ASIC2: variants seen among roughly 807,000 people sequenced by gnomAD.
ASIC2 encodes the protein acid sensing ion channel subunit 2, also known as acid-sensing ion channel 2.
In ASIC2, 25 loss-of-function variants were observed where a neutral mutation model predicts 57.3. The observed-to-expected ratio is 0.44, with a 90% confidence interval of 0.32 to 0.61. ASIC2 has a LOEUF of 0.61. Among genes scored for constraint, ASIC2 ranks in the 20% least tolerant of loss-of-function variants. The probability of loss-of-function intolerance (pLI) is 0.06; values close to 1 mark genes in which losing one functional copy is unlikely to be tolerated. For synonymous variants in ASIC2, 319 were observed against 307.5 expected, an observed-to-expected ratio of 1.04 and a Z score of -0.39; for missense variants, 641 against 738.1, an observed-to-expected ratio of 0.87 and a Z score of 1.52.
intron 2 of ASIC2, among the ~76,000 whole-genome samples, chr17:33,103,962 A>T (rs1288000694): frequency 6.6e-6 from 1 of 151,590 alleles, no homozygotes; most frequent in Non-Finnish European, 1.5e-5. Flanking sequence ...CACCTCTCAA[A>T]CCTGTCTTCA....
At chr17:33,924,556 C>T (rs892964422) in intron 1 of ASIC2, among the ~76,000 whole-genome samples, 1 of 152,234 alleles carries the variant, frequency 6.6e-6, no homozygotes, top group African/African-American at 2.4e-5. Context: ...ATTTCCACCT[C>T]CCAAAATTCT....
At chr17:33,257,458 T>C (rs1327280474) in intron 1 of ASIC2, among the ~76,000 whole-genome samples, 1 of 152,230 alleles carries the variant, frequency 6.6e-6, no homozygotes, top group South Asian at 2.1e-4. Flanking sequence ...ACACTTTTAG[T>C]ATATAGGCGA....
At chr17:33,750,905 T>G (rs1910410397) in intron 1 of ASIC2, among the ~76,000 whole-genome samples, 1 of 152,134 alleles carries the variant, frequency 6.6e-6, no homozygotes. Context: ...GGGAAACACA[T>G]TGGAGAGATC....
At chr17:33,445,012 A>G (rs1911962227) in intron 1 of ASIC2, among the ~76,000 whole-genome samples, 1 of 152,180 alleles carries the variant, frequency 6.6e-6, no homozygotes, top group Non-Finnish European at 1.5e-5. Flanking sequence ...ACACTGTTTG[A>G]CCTATAAGGT....
At chr17:33,704,468 C>G (rs1908803302) in intron 1 of ASIC2, among the ~76,000 whole-genome samples, 1 of 152,166 alleles carries the variant, frequency 6.6e-6, no homozygotes, top group Non-Finnish European at 1.5e-5. Context: ...TGCCAGTAGC[C>G]CACCCTGAAT....
At chr17:33,165,829 C>G (rs977352195) in intron 1 of ASIC2, among the ~76,000 whole-genome samples, 4 of 152,118 alleles carry the variant, frequency 2.6e-5, no homozygotes, top group African/African-American at 9.7e-5. Context: ...CTGAGGCATT[C>G]CCTGTAGACT....
chr17:33,734,433 A>G (rs571439889), intron 1 of ASIC2, among the ~76,000 whole-genome samples: 34 of 152,078 alleles, frequency 2.2e-4, no homozygotes, highest in Admixed American at 1.8e-3. Flanking sequence ...CTCTCTCTGT[A>G]TTATCCCTCA....
chr17:33,357,136 G>A (rs928465673), intron 1 of ASIC2, among the ~76,000 whole-genome samples: 4 of 151,630 alleles, frequency 2.6e-5, no homozygotes, highest in Non-Finnish European at 4.4e-5. Context: ...GGGACCGCAC[G>A]TTGAGAACGG....
chr17:33,500,809 G>A lies in ASIC2; in HGVS notation c.556-388742C>T, dbSNP rs114852987. ...TGTTTTCTCCTCTGTATCTAGACTAGTAGATTGCACACAGAAGGCACTCAA... is the reference window on the plus strand; with the variant it reads ...TGTTTTCTCCTCTGTATCTAGACTAATAGATTGCACACAGAAGGCACTCAA... On this transcript the variant is annotated intron_variant, in intron 1 of 9. Coordinates refer to the ASIC2 transcript ENST00000359872. Among the ~76,000 whole-genome samples the A allele has an allele frequency of 2.5e-3, 388 of 152,356 alleles. 5 individuals are homozygous for A. The highest frequency in any genetic ancestry group is 8.9e-3 in the African/African-American group (372 of 41,578).
intron 1 of ASIC2, chr17:33,792,706 GT>G (rs1328721876): frequency 1.3e-5 from 2 of 152,194 alleles, no homozygotes; most frequent in African/African-American, 4.8e-5. Context: ...TTATGAAGTG[GT>G]CAGACTGAGT....
chr17:33,193,891 T>C (rs1906525736), intron 1 of ASIC2, among the ~76,000 whole-genome samples: 1 of 152,188 alleles, frequency 6.6e-6, no homozygotes. Flanking sequence ...TTCCTTGGCT[T>C]GGCCATCTTG....
chr17:33,278,953 C>T (rs1433976128), intron 1 of ASIC2, among the ~76,000 whole-genome samples: 4 of 152,042 alleles, frequency 2.6e-5, no homozygotes, highest in South Asian at 2.1e-4. Flanking sequence ...AATAAAAGAC[C>T]GAGAAAGGAA....
At chr17:33,159,133 T>G (rs1167361829) in intron 1 of ASIC2, among the ~76,000 whole-genome samples, 1 of 152,206 alleles carries the variant, frequency 6.6e-6, no homozygotes, top group Non-Finnish European at 1.5e-5. Context: ...AATGATAAAT[T>G]ACCATTAGTT....
At chr17:33,229,117 T>C (rs1907993733) in intron 1 of ASIC2, among the ~76,000 whole-genome samples, 1 of 151,944 alleles carries the variant, frequency 6.6e-6, no homozygotes, top group Non-Finnish European at 1.5e-5. Context: ...CTGTTTAAAG[T>C]GGGGTGGTTT....
chr17:33,256,998 G>T (rs1429747111), intron 1 of ASIC2, among the ~76,000 whole-genome samples: 1 of 152,208 alleles, frequency 6.6e-6, no homozygotes. Context: ...ATTCCCTACA[G>T]CAGGTGCAGG....
At chr17:34,079,200 T>C (rs1207304996) in intron 1 of ASIC2, 1 of 152,270 alleles carries the variant, frequency 6.6e-6, no homozygotes, top group Non-Finnish European at 1.5e-5. Flanking sequence ...CCCACAGTTT[T>C]CAGGATAGAA....
At chr17:33,424,201 G>GC (rs1342433968) in intron 1 of ASIC2, among the ~76,000 whole-genome samples, 1 of 152,064 alleles carries the variant, frequency 6.6e-6, no homozygotes, top group East Asian at 1.9e-4. Flanking sequence ...CCTCACTCCT[G>GC]CCCCCAAGGG....
In ASIC2 at chr17:33,414,785, C is replaced by T. The variant is rs763829670; in HGVS notation, c.556-302718G>A. 6.8e-4 allele frequency among the ~76,000 whole-genome samples: 103 copies of T among 152,208 alleles called. 1 individual carries two copies. The highest frequency in any genetic ancestry group is 1.2e-3 in the Admixed American group (18 of 15,290). Reference sequence around the variant, plus strand: ...CACTGAAATCACATTAGGCCCCACTCTGCTCTTCAAAATGACATCTTTTAA... The same window carrying T: ...CACTGAAATCACATTAGGCCCCACTTTGCTCTTCAAAATGACATCTTTTAA... On this transcript the variant is annotated intron_variant, in intron 1 of 9. Transcript: ENST00000359872.
chr17:33,616,026 C>T (rs1165227414), intron 1 of ASIC2, among the ~76,000 whole-genome samples: 1 of 152,130 alleles, frequency 6.6e-6, no homozygotes, highest in Non-Finnish European at 1.5e-5. Context: ...GGCCTTTGAC[C>T]AGTACATGTA....
Sources: gnomAD v4.1 joint callset for allele counts (sites outside exome capture counted in the v4.1 genomes callset) on GRCh38, gnomAD v4.1.1 for gene constraint, MANE v1.5 for transcripts, NCBI Gene and HGNC (gene_info 2026-07-23, HGNC 2026-07-21) for gene names.